Variants in OXR1 observed in about 807,000 individuals in gnomAD.
OXR1 encodes the protein oxidation resistance protein 1.
In OXR1, 41 loss-of-function variants were observed where a neutral mutation model predicts 104.6. That is an observed-to-expected ratio of 0.39 (90% CI 0.31 to 0.51). The LOEUF is 0.51. OXR1 is among the 20% of genes least tolerant of loss of function. OXR1 has a pLI of 0.77. For synonymous variants in OXR1, 348 were observed against 348.4 expected (o/e 1.00, Z 0.01); for missense variants, 955 against 1,031.9 (o/e 0.93, Z 1.02).
chr8:106,657,956 G>A lies in OXR1; in HGVS notation c.221-21254G>A, dbSNP rs1226422387. On this transcript the variant is annotated intron_variant, in intron 3 of 16. Coordinates refer to ENST00000517566, the MANE Select transcript of OXR1 (RefSeq NM_001198533.2). Reference sequence around the variant, plus strand: ...ACCGCCGAAACCGTCGACCTCCTGGGCCCCAGTTCCGCGTCCAGCCCCGCG... The same window carrying A: ...ACCGCCGAAACCGTCGACCTCCTGGACCCCAGTTCCGCGTCCAGCCCCGCG... 4 of 1,248,044 alleles carry A rather than the reference G, an allele frequency of 3.2e-6. No homozygotes were observed. In the African/African-American group the frequency reaches 4.7e-5, roughly 15 times the overall value. The allele number at this position is 1,248,044 out of a possible 1,614,324, so 77.3% of individuals were successfully genotyped here.
chr8:106,704,203 C>T (rs563312517), intron 8 of OXR1, among the ~76,000 whole-genome samples: 14 of 151,882 alleles, frequency 9.2e-5, no homozygotes, highest in African/African-American at 3.1e-4. Flanking sequence ...GATCATCATC[C>T]AAGGCCAGTT....
At position 106,692,587 on chromosome 8, in the gene OXR1, A is replaced by G. The variant is rs549447909; in HGVS notation, c.526-141A>G. 6.4e-6 allele frequency: 3 copies of G among 470,416 alleles called. No individual in the cohort carries two copies. The East Asian group carries it at 9.6e-5, about 15-fold the overall frequency. The allele number at this position is 470,416 out of a possible 1,614,324, so 29.1% of individuals were successfully genotyped here. A position where few individuals can be genotyped will look rare whatever the true frequency, so the allele number is the denominator to read the frequency against. On this transcript the variant is annotated intron_variant, in intron 6 of 16. Coordinates refer to ENST00000517566, the MANE Select transcript of OXR1 (RefSeq NM_001198533.2). ...TTTGTCCTATAATTTGTACGTAAAA[A>G]TATTTCGGGCTGACTTCCAGAATGC...
intron 2 of OXR1, among the ~76,000 whole-genome samples, chr8:106,453,739 G>A (rs536982235): frequency 3.9e-5 from 6 of 152,316 alleles, no homozygotes; most frequent in African/African-American, 1.4e-4. Flanking sequence ...CAGGACCTGA[G>A]CCTGTAAGCA....
chr8:106,443,704 G>GTT (rs1183256381), intron 2 of OXR1, among the ~76,000 whole-genome samples: 1 of 152,072 alleles, frequency 6.6e-6, no homozygotes, highest in Non-Finnish European at 1.5e-5. Context: ...TTTAAAGTCT[G>GTT]TTTTATAAGA....
At chr8:106,378,246 C>T (rs926812363) in intron 2 of OXR1, among the ~76,000 whole-genome samples, 1 of 152,174 alleles carries the variant, frequency 6.6e-6, no homozygotes, top group Admixed American at 6.5e-5. Context: ...CTTAGTGACA[C>T]AGTGAAACTC....
intron 3 of OXR1, among the ~76,000 whole-genome samples, chr8:106,622,953 G>A (rs1821847632): frequency 6.6e-6 from 1 of 152,064 alleles, no homozygotes; most frequent in Non-Finnish European, 1.5e-5. Flanking sequence ...ACCCTCAATA[G>A]GTACAATTAT....
At chr8:106,504,676 A>G (rs1474005970) in intron 2 of OXR1, among the ~76,000 whole-genome samples, 2 of 150,034 alleles carry the variant, frequency 1.3e-5, no homozygotes, top group Non-Finnish European at 2.9e-5. Context: ...CTAGAGATAA[A>G]TAAAGATTGT....
chr8:106,454,576 A>T (rs1820500139), intron 2 of OXR1, among the ~76,000 whole-genome samples: 2 of 152,124 alleles, frequency 1.3e-5, no homozygotes, highest in Non-Finnish European at 2.9e-5. Flanking sequence ...AGGTAGTGAC[A>T]ACATCAAAAC....
chr8:106,704,079 G>C (rs373155668), intron 8 of OXR1, among the ~76,000 whole-genome samples: 1 of 152,162 alleles, frequency 6.6e-6, no homozygotes, highest in African/African-American at 2.4e-5. Context: ...TTGCTCAAAA[G>C]TCTCCACTGT....
intron 2 of OXR1, among the ~76,000 whole-genome samples, chr8:106,452,694 C>A (rs1820384693): frequency 6.6e-6 from 1 of 152,106 alleles, no homozygotes; most frequent in East Asian, 1.9e-4. Context: ...AAATTAATTG[C>A]ATCCTTAAAC....
intron 1 of OXR1, among the ~76,000 whole-genome samples, chr8:106,352,563 C>T (rs571060796): frequency 6.6e-6 from 1 of 152,274 alleles, no homozygotes; most frequent in East Asian, 1.9e-4. Context: ...ATATTGCATA[C>T]AAACTCAATC....
chr8:106,298,340 A>C (rs1480571879), intron 1 of OXR1, among the ~76,000 whole-genome samples: 1 of 152,200 alleles, frequency 6.6e-6, no homozygotes, highest in East Asian at 1.9e-4. Context: ...GAGGCAGGCA[A>C]GAGAACGTGT....
intron 2 of OXR1, among the ~76,000 whole-genome samples, chr8:106,498,511 A>G (rs1031770803): frequency 2.0e-5 from 3 of 152,236 alleles, no homozygotes; most frequent in Non-Finnish European, 4.4e-5. Context: ...TACGAAATCC[A>G]GAATCCTTTA....
intron 11 of OXR1, among the ~76,000 whole-genome samples, chr8:106,724,775 T>A (rs565207272): frequency 6.6e-6 from 1 of 152,198 alleles, no homozygotes; most frequent in East Asian, 1.9e-4. Context: ...CTGAGCAAAA[T>A]CAAGGCCACT....
intron 3 of OXR1, among the ~76,000 whole-genome samples, chr8:106,595,480 G>T (rs1819446797): frequency 6.7e-6 from 1 of 150,000 alleles, no homozygotes; most frequent in Non-Finnish European, 1.5e-5. Flanking sequence ...AACCCGAGAG[G>T]CAGAGGTTGC....
intron 11 of OXR1, among the ~76,000 whole-genome samples, chr8:106,726,872 G>T (rs1362912051): frequency 1.3e-5 from 2 of 152,096 alleles, no homozygotes; most frequent in Non-Finnish European, 2.9e-5. Flanking sequence ...TTTTCTGTAC[G>T]TGTACATTGT....
intron 2 of OXR1, among the ~76,000 whole-genome samples, chr8:106,405,715 T>C (rs943701759): frequency 3.9e-5 from 6 of 152,082 alleles, no homozygotes; most frequent in African/African-American, 1.4e-4. Flanking sequence ...TAACAGAGTA[T>C]AGCAAAGATC....
chr8:106,538,219 C>T (rs999753423), intron 3 of OXR1, among the ~76,000 whole-genome samples: 2 of 152,010 alleles, frequency 1.3e-5, no homozygotes, highest in Non-Finnish European at 2.9e-5. Context: ...CCCAAAGACC[C>T]CTTTAGGCCT....
chr8:106,714,430 AC>A (rs1832031872), intron 11 of OXR1, among the ~76,000 whole-genome samples: 1 of 152,070 alleles, frequency 6.6e-6, no homozygotes, highest in Non-Finnish European at 1.5e-5. Context: ...TATACAAATT[AC>A]TACTCCTTTC....
Sources: allele counts gnomAD v4.1 joint callset (sites outside exome capture counted in the v4.1 genomes callset), GRCh38; gene constraint gnomAD v4.1.1; transcripts MANE v1.5; gene names NCBI Gene and HGNC (gene_info 2026-07-23, HGNC 2026-07-21).